The following RASGRP3 variants were observed in gnomAD, a reference collection of about 807,000 sequenced individuals.
RASGRP3 encodes ras guanyl-releasing protein 3.
In RASGRP3, 54 loss-of-function variants were observed where a neutral mutation model predicts 82.7. That is an observed-to-expected ratio of 0.65 (90% CI 0.52 to 0.82). The LOEUF is 0.82. Ranked by LOEUF, RASGRP3 falls within the 40% of genes least tolerant of loss-of-function variation. RASGRP3 has a pLI of 0.00. For synonymous variants in RASGRP3, 309 were observed against 300.5 expected, an observed-to-expected ratio of 1.03 and a Z score of -0.29; for missense variants, 861 against 828.9, an observed-to-expected ratio of 1.04 and a Z score of -0.48.
At chr2:33,549,445 C>A (rs138326093) in intron 13 of RASGRP3, among the ~76,000 whole-genome samples, 159 bp from the exon 14 acceptor site, 7 of 152,128 alleles carry the variant, frequency 4.6e-5, no homozygotes, top group African/African-American at 1.4e-4. Flanking sequence ...CCTGAAGATG[C>A]CTTTTGAGGT....
chr2:33,536,587 A>G, intron 11 of RASGRP3, among the ~76,000 whole-genome samples: 1 of 151,988 alleles, frequency 6.6e-6, no homozygotes, highest in East Asian at 1.9e-4. Context: ...TTTAGGAGAT[A>G]TTTCCATCAA....
intron 10 of RASGRP3, 113 bp downstream of exon 10, chr2:33,527,525 G>T: frequency 9.0e-7 from 1 of 1,107,430 alleles, no homozygotes; most frequent in Non-Finnish European, 1.3e-6. Flanking sequence ...TGGTTTCAGA[G>T]TCAATAGATG....
chr2:33,491,105 C>T (rs182663644), intron 1 of RASGRP3, among the ~76,000 whole-genome samples: 2,315 of 152,114 alleles, frequency 0.015, 60 homozygotes, highest in African/African-American at 0.053. Context: ...TGCTTGAGGC[C>T]GGGAGTTTGA....
At position 33,563,455 on chromosome 2, in the gene RASGRP3, G is replaced by C. The variant is rs534860943; in HGVS notation, c.*718G>C. 1 of 151,662 alleles carries C rather than the reference G, an allele frequency of 6.6e-6. No individual in the cohort carries two copies. The highest frequency in any genetic ancestry group is 1.5e-5 in the Non-Finnish European group (1 of 67,834). 9.4% of individuals were successfully genotyped at this position (151,662 alleles called of 1,614,324 possible). ...GTCACTAGGAAGCTATAGCATGGTC[G>C]TGAAAGCTCTCCTAATACTTACTTA... On this transcript the variant is annotated 3_prime_UTR_variant, in exon 18 of 18. Coordinates refer to ENST00000403687, the MANE Select transcript of RASGRP3 (RefSeq NM_001139488.2).
intron 11 of RASGRP3, among the ~76,000 whole-genome samples, chr2:33,536,972 A>C (rs1008390743): frequency 2.0e-5 from 3 of 152,146 alleles, no homozygotes; most frequent in Non-Finnish European, 4.4e-5. Flanking sequence ...TAACCAGCTC[A>C]GTGGAGAGTC....
At chr2:33,557,554 C>CA (rs1429468611) in intron 15 of RASGRP3, among the ~76,000 whole-genome samples, 5 of 151,918 alleles carry the variant, frequency 3.3e-5, no homozygotes, top group Non-Finnish European at 5.9e-5. Flanking sequence ...CTAAAAAATA[C>CA]AAAAAATTAG....
intron 15 of RASGRP3, among the ~76,000 whole-genome samples, chr2:33,557,710 G>GA (rs59650410): frequency 0.052 from 6,769 of 129,546 alleles, 200 homozygotes; most frequent in South Asian, 0.095. Flanking sequence ...ACTCCATCTC[G>GA]AAAAAAAAAA....
intron 1 of RASGRP3, among the ~76,000 whole-genome samples, chr2:33,510,697 G>A (rs933538466): frequency 5.9e-5 from 9 of 152,160 alleles, no homozygotes; most frequent in Admixed American, 3.3e-4. Context: ...TGCAGGCTCC[G>A]TGATGGATTC....
At chr2:33,550,091 G>A (rs972878131) in intron 14 of RASGRP3, among the ~76,000 whole-genome samples, 1 of 152,140 alleles carries the variant, frequency 6.6e-6, no homozygotes, top group Non-Finnish European at 1.5e-5. Context: ...ATTTATCTTA[G>A]CGAGTTCCTT....
intron 1 of RASGRP3, among the ~76,000 whole-genome samples, chr2:33,489,578 A>T (rs1212844486): frequency 2.0e-5 from 3 of 152,110 alleles, no homozygotes; most frequent in South Asian, 4.1e-4. Flanking sequence ...TTTATTTTTT[A>T]TTTTTTTGGC....
At chr2:33,546,796 G>C (rs898883607) in intron 13 of RASGRP3, among the ~76,000 whole-genome samples, 1 of 152,058 alleles carries the variant, frequency 6.6e-6, no homozygotes, top group African/African-American at 2.4e-5. Context: ...TGCCAGGCAC[G>C]GTGGCTCATG....
intron 16 of RASGRP3, 27 bp from the exon 17 acceptor site, chr2:33,558,645 A>T (rs1200916974): frequency 6.4e-7 from 1 of 1,551,100 alleles, no homozygotes; most frequent in African/African-American, 1.4e-5. Context: ...CAGATGTCAA[A>T]TAATCACCAC....
At chr2:33,474,702 A>G (rs1667255034), upstream of RASGRP3, among the ~76,000 whole-genome samples, 1 of 152,120 alleles carries the variant, frequency 6.6e-6, no homozygotes, top group Non-Finnish European at 1.5e-5. Context: ...TTTGCCTTCC[A>G]CCATGATTGT....
intron 1 of RASGRP3, among the ~76,000 whole-genome samples, chr2:33,485,606 TA>T (rs1231293515): frequency 6.6e-6 from 1 of 152,216 alleles, no homozygotes; most frequent in African/African-American, 2.4e-5. Flanking sequence ...ATTTGGTTTT[TA>T]TAAGAAGTGA....
rs778207490 is a variant in RASGRP3 at position 33,558,727 on chromosome 2, C to T, written c.1761C>T (p.Asp587=). 16 of 1,613,788 alleles carry T rather than the reference C, an allele frequency of 9.9e-6. No homozygotes were observed. In the South Asian group the frequency reaches 1.8e-4, roughly 18 times the overall value. The change falls in exon 17 of 18, where the codon GAC becomes GAT. Residue 587 remains aspartate, a synonymous_variant. Transcript: ENST00000403687. ...PGVTAGHRDL[D]SRAITLVTGS... ...TCACTGCTGGACACAGGGATTTAGA[C>T]AGCAGAGCCATCACACTGGTTACAG...
At chr2:33,530,260 G>A (rs1232595828) in intron 10 of RASGRP3, among the ~76,000 whole-genome samples, 4 of 152,154 alleles carry the variant, frequency 2.6e-5, no homozygotes, top group Non-Finnish European at 1.5e-5. Flanking sequence ...TCCAGCTGAG[G>A]TCGCCTGTAT....
chr2:33,559,754 C>T (rs1239648070), intron 17 of RASGRP3: 4 of 422,174 alleles, frequency 9.5e-6, no homozygotes, highest in South Asian at 3.5e-5. Context: ...GCCACCCTGT[C>T]GAATTGTTCT....
At chr2:33,444,095 G>A (rs892156581) in intron 1 of RASGRP3, among the ~76,000 whole-genome samples, 1 of 151,952 alleles carries the variant, frequency 6.6e-6, no homozygotes, top group African/African-American at 2.4e-5. Flanking sequence ...TTGAGGTCAG[G>A]ATTTCAAGAA....
intron 4 of RASGRP3, among the ~76,000 whole-genome samples, chr2:33,518,669 CT>C (rs1671689266): frequency 1.3e-5 from 2 of 151,994 alleles, no homozygotes; most frequent in Admixed American, 1.3e-4. Context: ...AAAATATTTT[CT>C]TTCTTAATAT....
Sources: gnomAD v4.1 joint callset for allele counts (sites outside exome capture counted in the v4.1 genomes callset) on GRCh38, gnomAD v4.1.1 for gene constraint, MANE v1.5 for transcripts, NCBI Gene and HGNC (gene_info 2026-07-23, HGNC 2026-07-21) for gene names.